PREP: variants seen among roughly 807,000 people sequenced by gnomAD.
PREP encodes the protein prolyl endopeptidase, also known as dJ355L5.1 (prolyl endopeptidase).
A neutral mutation model predicts 87.6 loss-of-function variants in PREP; 29 were observed. That is an observed-to-expected ratio of 0.33 (90% CI 0.25 to 0.45). The LOEUF is 0.45. Ranked by LOEUF, PREP falls within the 20% of genes least tolerant of loss-of-function variation. The probability of loss-of-function intolerance (pLI) is 1.00; values close to 1 mark genes in which losing one functional copy is unlikely to be tolerated. For missense variants in PREP, 695 were observed against 886.5 expected (o/e 0.78, Z 2.74); for synonymous variants, 337 against 328.6 (o/e 1.03, Z -0.28).
At chr6:105,306,433 C>G (rs1298954060) in intron 10 of PREP, among the ~76,000 whole-genome samples, 1 of 152,038 alleles carries the variant, frequency 6.6e-6, no homozygotes, top group Non-Finnish European at 1.5e-5. Flanking sequence ...GTAAGGAACC[C>G]CTTCATTCAT....
intron 10 of PREP, among the ~76,000 whole-genome samples, chr6:105,294,854 G>A (rs778869227): frequency 6.6e-5 from 10 of 152,126 alleles, no homozygotes; most frequent in Non-Finnish European, 8.8e-5. Context: ...TTATGAAGAC[G>A]TTCAGTTCTT....
At chr6:105,382,058 A>G (rs1291012708) in intron 2 of PREP, among the ~76,000 whole-genome samples, 1 of 152,156 alleles carries the variant, frequency 6.6e-6, no homozygotes, top group Non-Finnish European at 1.5e-5. Context: ...AGGCACGGAA[A>G]GATGAATACC....
At chr6:105,319,444 A>C (rs1019439945) in intron 10 of PREP, among the ~76,000 whole-genome samples, 1 of 152,178 alleles carries the variant, frequency 6.6e-6, no homozygotes, top group Non-Finnish European at 1.5e-5. Context: ...CAAGAAGAAA[A>C]GCCAATCTCT....
intron 10 of PREP, among the ~76,000 whole-genome samples, chr6:105,317,431 GTT>G (rs1480329186): frequency 1.3e-5 from 2 of 152,140 alleles, no homozygotes; most frequent in Non-Finnish European, 2.9e-5. Context: ...CTGAATTTTA[GTT>G]TCCTTGTCTG....
intron 10 of PREP, among the ~76,000 whole-genome samples, chr6:105,289,951 A>G (rs998826018): frequency 2.0e-4 from 30 of 151,464 alleles, no homozygotes; most frequent in African/African-American, 7.3e-4. Context: ...TGGTGGGGGA[A>G]GGGCGGAGGG....
At position 105,344,764 on chromosome 6, in the gene PREP, C is replaced by A. The variant is rs146111011; in HGVS notation, c.823+8208G>T. Among the ~76,000 whole-genome samples, 207 of 152,210 alleles carry A rather than the reference C, an allele frequency of 1.4e-3. 1 individual carries two copies. Among genetic ancestry groups the A allele is most frequent in the African/African-American group, 4.7e-3 (197 of 41,542 alleles). ...TAATGGGTGCAGCACACCAACATGG[C>A]ACATGTATGAATATGTAACAAACCT... On this transcript the variant is annotated intron_variant, in intron 7 of 14. Transcript: ENST00000652536.
chr6:105,386,155 T>C (rs1772990589), intron 2 of PREP, among the ~76,000 whole-genome samples: 1 of 152,154 alleles, frequency 6.6e-6, no homozygotes, highest in South Asian at 2.1e-4. Flanking sequence ...GACCAATGTC[T>C]AATAAAATTG....
chr6:105,373,334 G>T (rs577972450), intron 5 of PREP, 35 bp downstream of exon 5: 2 of 1,594,156 alleles, frequency 1.3e-6, no homozygotes, highest in South Asian at 1.1e-5. Context: ...ACTTCATTTT[G>T]TGAAAAATGT....
chr6:105,351,812 T>C (rs1162046945), intron 7 of PREP, among the ~76,000 whole-genome samples: 1 of 152,220 alleles, frequency 6.6e-6, no homozygotes, highest in Non-Finnish European at 1.5e-5. Context: ...ATGCAAACAC[T>C]GATGTGGCCA....
chr6:105,397,021 C>T (rs1261580327), intron 2 of PREP, among the ~76,000 whole-genome samples: 3 of 151,896 alleles, frequency 2.0e-5, no homozygotes, highest in Non-Finnish European at 4.4e-5. Context: ...CCCGTCTCTA[C>T]TAAAAATACA....
chr6:105,358,203 A>ATAGT (rs1772153222), intron 6 of PREP, among the ~76,000 whole-genome samples: 1 of 152,178 alleles, frequency 6.6e-6, no homozygotes, highest in Non-Finnish European at 1.5e-5. Flanking sequence ...AACAAAAACA[A>ATAGT]AATTAAAAGA....
chr6:105,373,285 T>G, intron 5 of PREP, 84 bp downstream of exon 5: 1 of 1,421,936 alleles, frequency 7.0e-7, no homozygotes. Flanking sequence ...ACAACCTCTA[T>G]GTAGGGTTCA....
chr6:105,312,630 G>A (rs760475296), intron 10 of PREP, among the ~76,000 whole-genome samples: 10 of 152,218 alleles, frequency 6.6e-5, no homozygotes, highest in Admixed American at 1.3e-4. Context: ...AAGAACATGA[G>A]CACACATCCA....
At chr6:105,280,250 C>T (rs1162349230) in intron 14 of PREP, among the ~76,000 whole-genome samples, 1 of 152,084 alleles carries the variant, frequency 6.6e-6, no homozygotes, top group East Asian at 1.9e-4. Context: ...TGCAGTGAGC[C>T]GAGATGGCGC....
At chr6:105,298,973 C>G (rs754023717) in intron 10 of PREP, 1 of 152,238 alleles carries the variant, frequency 6.6e-6, no homozygotes, top group African/African-American at 2.4e-5. Context: ...ATTGTGGAGA[C>G]GCACAGCAGC....
rs375328256 is a variant in PREP, at chr6:105,281,705, A to G, written c.1838+41T>C. On this transcript the variant is annotated intron_variant, in intron 14 of 14. Transcript: ENST00000652536. ...CTGCTGTGACTGTGTTCAACTTTAT[A>G]TCAAACCACTAACAACATATATATG... The G allele has an allele frequency of 3.1e-5, 50 of 1,593,872 alleles. No homozygotes were observed. The African/African-American group carries it at 6.1e-4, about 19-fold the overall frequency.
intron 11 of PREP, among the ~76,000 whole-genome samples, chr6:105,287,305 A>G (rs945536759): frequency 1.3e-5 from 2 of 152,156 alleles, no homozygotes; most frequent in Non-Finnish European, 2.9e-5. Flanking sequence ...GTTGCCTGGT[A>G]TATGGCGCTG....
chr6:105,326,228 A>G (rs1006797681), intron 9 of PREP, among the ~76,000 whole-genome samples: 2 of 152,174 alleles, frequency 1.3e-5, no homozygotes, highest in African/African-American at 4.8e-5. Flanking sequence ...AGCCATGCAT[A>G]TGGGACTGCT....
In PREP at chr6:105,275,687, G is replaced by GC. The variant is rs1769918316; in HGVS notation, c.*2456dup. On this transcript the variant is annotated 3_prime_UTR_variant, in exon 15 of 15. Coordinates refer to ENST00000652536, the MANE Select transcript of PREP (RefSeq NM_002726.5). ...GCCAAGATAGGGAATCAACCCACGT[G>GC]CCCATCAGCAGATGAACAGATGAAG... Among the ~76,000 whole-genome samples the GC allele has an allele frequency of 6.6e-6, 1 of 152,192 alleles. No homozygotes were observed. The highest frequency in any genetic ancestry group is 2.4e-5 in the African/African-American group (1 of 41,450).
Sources: gnomAD v4.1 joint callset for allele counts (sites outside exome capture counted in the v4.1 genomes callset) on GRCh38, gnomAD v4.1.1 for gene constraint, MANE v1.5 for transcripts, NCBI Gene and HGNC (gene_info 2026-07-23, HGNC 2026-07-21) for gene names.